PRKG1: variants seen among roughly 807,000 people sequenced by gnomAD.
PRKG1 encodes the protein cGMP-dependent protein kinase 1.
In PRKG1, 35 loss-of-function variants were observed where a neutral mutation model predicts 88.1. The observed-to-expected ratio is 0.40, with a 90% CI of 0.30 to 0.53. The LOEUF (loss-of-function observed/expected upper bound fraction) is 0.53. Among genes scored for constraint, PRKG1 ranks in the 20% least tolerant of loss-of-function variants. The pLI, the probability that PRKG1 is intolerant of heterozygous loss-of-function variation, is 0.59. For synonymous variants in PRKG1, 303 were observed against 292.5 expected, an observed-to-expected ratio of 1.04 and a Z score of -0.37; for missense variants, 540 against 839.8, an observed-to-expected ratio of 0.64 and a Z score of 4.41.
chr10:51,426,932 T>A (rs949493610), intron 2 of PRKG1, among the ~76,000 whole-genome samples: 1 of 152,202 alleles, frequency 6.6e-6, no homozygotes, highest in Non-Finnish European at 1.5e-5. Context: ...TTACCTTTGT[T>A]ATTCTTACTT....
chr10:52,118,567 A>T (rs1847742599), intron 7 of PRKG1, among the ~76,000 whole-genome samples: 1 of 151,994 alleles, frequency 6.6e-6, no homozygotes, highest in African/African-American at 2.4e-5. Context: ...TTTTGGTAAA[A>T]ATTGATATGT....
At chr10:51,767,604 T>C (rs1838200486) in intron 3 of PRKG1, among the ~76,000 whole-genome samples, 1 of 152,006 alleles carries the variant, frequency 6.6e-6, no homozygotes, top group Non-Finnish European at 1.5e-5. Flanking sequence ...TCATCCACAT[T>C]ATGTAATTTC....
intron 2 of PRKG1, among the ~76,000 whole-genome samples, chr10:51,350,791 G>A (rs1292763579): frequency 6.6e-6 from 1 of 152,126 alleles, no homozygotes; most frequent in African/African-American, 2.4e-5. Flanking sequence ...TATACTTTAA[G>A]TTCTGGGATA....
chr10:52,178,455 A>C (rs1259594686), intron 9 of PRKG1, among the ~76,000 whole-genome samples: 1 of 152,132 alleles, frequency 6.6e-6, no homozygotes, highest in Non-Finnish European at 1.5e-5. Flanking sequence ...ACTGATGAAA[A>C]GAATAGGTAT....
At chr10:51,971,086 G>T (rs1488104413) in intron 5 of PRKG1, among the ~76,000 whole-genome samples, 2 of 151,832 alleles carry the variant, frequency 1.3e-5, no homozygotes, top group Admixed American at 1.3e-4. Flanking sequence ...AACAAAAGAA[G>T]AACAGAGTAT....
At chr10:51,187,852 TGGTTAA>T (rs1837533060) in intron 2 of PRKG1, among the ~76,000 whole-genome samples, 1 of 152,006 alleles carries the variant, frequency 6.6e-6, no homozygotes, top group Admixed American at 6.6e-5. Context: ...TCCACTAGGA[TGGTTAA>T]AATTACCCAA....
intron 9 of PRKG1, among the ~76,000 whole-genome samples, chr10:52,202,982 A>T (rs1839717632): frequency 6.6e-6 from 1 of 151,502 alleles, no homozygotes; most frequent in South Asian, 2.1e-4. Context: ...GGTTTTATTG[A>T]TCTTTATATG....
chr10:51,795,947 C>T (rs1475305020), intron 3 of PRKG1, among the ~76,000 whole-genome samples: 1 of 152,028 alleles, frequency 6.6e-6, no homozygotes, highest in Non-Finnish European at 1.5e-5. Context: ...AAATAATTCA[C>T]TCAGGAATTC....
At chr10:51,940,367 C>T (rs1328896139) in intron 5 of PRKG1, among the ~76,000 whole-genome samples, 2 of 151,814 alleles carry the variant, frequency 1.3e-5, no homozygotes, top group Non-Finnish European at 2.9e-5. Flanking sequence ...TCCCAGGAAA[C>T]GTACTTTTCT....
intron 7 of PRKG1, among the ~76,000 whole-genome samples, chr10:52,100,196 A>G (rs961052324): frequency 3.3e-5 from 5 of 152,144 alleles, no homozygotes; most frequent in African/African-American, 1.2e-4. Context: ...CTGGACAGGA[A>G]TCCCCTTTGG....
At chr10:52,029,780 TC>T (rs908783806) in intron 5 of PRKG1, among the ~76,000 whole-genome samples, 1 of 152,152 alleles carries the variant, frequency 6.6e-6, no homozygotes, top group Non-Finnish European at 1.5e-5. Context: ...GCTGCATGGT[TC>T]CCTTAGTTGT....
At chr10:52,188,279 C>CAT (rs1429310173) in intron 9 of PRKG1, among the ~76,000 whole-genome samples, 2 of 107,326 alleles carry the variant, frequency 1.9e-5, no homozygotes, top group African/African-American at 7.6e-5. Flanking sequence ...TATATATATA[C>CAT]ATATATATGT....
intron 1 of PRKG1, among the ~76,000 whole-genome samples, chr10:51,054,933 T>G (rs1843609177): frequency 6.6e-6 from 1 of 152,212 alleles, no homozygotes; most frequent in Non-Finnish European, 1.5e-5. Context: ...TTCACACTCA[T>G]ATGTATAAGG....
intron 2 of PRKG1, among the ~76,000 whole-genome samples, chr10:51,303,543 AC>A (rs972596376): frequency 2.7e-4 from 41 of 151,708 alleles, no homozygotes; most frequent in African/African-American, 9.9e-4. Context: ...ATTACTGCTA[AC>A]CTAGAAAACT....
intron 3 of PRKG1, among the ~76,000 whole-genome samples, chr10:51,680,799 A>C (rs997740821): frequency 7.9e-5 from 12 of 152,230 alleles, no homozygotes; most frequent in Non-Finnish European, 1.6e-4. Context: ...ATATTGAATA[A>C]ATACAAAAAT....
At chr10:51,528,558 A>G (rs1338665668) in intron 3 of PRKG1, among the ~76,000 whole-genome samples, 1 of 132,614 alleles carries the variant, frequency 7.5e-6, no homozygotes, top group African/African-American at 2.8e-5. Context: ...TTTCTAAATT[A>G]CATTCAGTAC....
intron 3 of PRKG1, among the ~76,000 whole-genome samples, chr10:51,700,212 G>A (rs1841429637): frequency 6.6e-6 from 1 of 152,202 alleles, no homozygotes; most frequent in African/African-American, 2.4e-5. Flanking sequence ...GCTGGGCCCT[G>A]CCCCCATTCT....
chr10:52,194,652 A>G (rs944822948), intron 9 of PRKG1, among the ~76,000 whole-genome samples: 2 of 152,170 alleles, frequency 1.3e-5, no homozygotes, highest in Non-Finnish European at 2.9e-5. Context: ...ACAGTGTTTG[A>G]TCAATGAAGT....
intron 4 of PRKG1, among the ~76,000 whole-genome samples, chr10:51,828,713 C>A (rs571551342): frequency 1.3e-5 from 2 of 152,236 alleles, no homozygotes; most frequent in African/African-American, 2.4e-5. Context: ...GAAAGAGTTA[C>A]TGCTAGCAAC....
Sources: gnomAD v4.1 joint callset for allele counts (sites outside exome capture counted in the v4.1 genomes callset) on GRCh38, gnomAD v4.1.1 for gene constraint, MANE v1.5 for transcripts, NCBI Gene and HGNC (gene_info 2026-07-23, HGNC 2026-07-21) for gene names.